HNRNPL: variants seen among roughly 807,000 people sequenced by gnomAD.
HNRNPL encodes epididymis secretory sperm binding protein.
In HNRNPL, 12 loss-of-function variants were observed where a neutral mutation model predicts 64.0. The ratio of observed to expected loss-of-function variants is 0.19; its 90% CI spans 0.12 to 0.30. The LOEUF is 0.30. HNRNPL is among the 10% of genes least tolerant of loss of function. HNRNPL has a pLI of 1.00. For missense variants in HNRNPL, 484 were observed against 797.4 expected (o/e 0.61, Z 4.73); for synonymous variants, 385 against 313.0 (o/e 1.23, Z -2.43).
intron 6 of HNRNPL, chr19:38,842,421 CTTTTT>C (rs543992276): frequency 6.6e-6 from 1 of 152,008 alleles, no homozygotes; most frequent in African/African-American, 2.4e-5. Flanking sequence ...GGATTTTGAC[CTTTTT>C]TTTAATGTTT....
intron 2 of HNRNPL, among the ~76,000 whole-genome samples, 187 bp from the exon 3 acceptor site, chr19:38,846,277 TC>T (rs1972292757): frequency 6.6e-6 from 1 of 152,116 alleles, no homozygotes; most frequent in Non-Finnish European, 1.5e-5. Context: ...AGCTGAGCCA[TC>T]ATGTCCCTCT....
chr19:38,837,922 CTG>C (rs1971983323), intron 10 of HNRNPL, among the ~76,000 whole-genome samples: 2 of 152,234 alleles, frequency 1.3e-5, no homozygotes, highest in East Asian at 1.9e-4. Context: ...TTGCTGAACA[CTG>C]TTTGCTGAAT....
intron 6 of HNRNPL, among the ~76,000 whole-genome samples, chr19:38,842,857 T>C (rs1972161489): frequency 6.6e-6 from 1 of 152,190 alleles, no homozygotes; most frequent in African/African-American, 2.4e-5. Flanking sequence ...TTATGTTCCT[T>C]GGAGAAGAAA....
chr19:38,846,104 C>T lies in HNRNPL; in HGVS notation c.387-14G>A. ...ACCACCACATAGCTGGCAGAGAGAA[C>T]ACAGGTTTCAATCCTCTCAGGAAAA... is the stretch of plus-strand genomic sequence containing the variant. On this transcript the variant is annotated splice_polypyrimidine_tract_variant and intron_variant, in intron 2 of 12. Transcript: ENST00000221419. The T allele has an allele frequency of 6.3e-7, 1 of 1,579,880 alleles. No homozygotes were observed. Among genetic ancestry groups the T allele is most frequent in the Non-Finnish European group, 8.7e-7 (1 of 1,149,120 alleles).
intron 1 of HNRNPL, 50 bp from the exon 2 acceptor site, chr19:38,847,484 C>A (rs760533376): frequency 1.7e-6 from 2 of 1,166,540 alleles, no homozygotes; most frequent in Non-Finnish European, 2.4e-6. Context: ...TACAAGATGA[C>A]GCCCCACTGG....
chr19:38,839,153 G>A, intron 8 of HNRNPL, 138 bp from the exon 9 acceptor site: 1 of 1,085,536 alleles, frequency 9.2e-7, no homozygotes, highest in South Asian at 1.5e-5. Context: ...AGAAAAACAT[G>A]CCTGGCCCAC....
At chr19:38,849,585 G>A (rs1972430979) in intron 1 of HNRNPL, 115 bp downstream of exon 1, 2 of 1,243,336 alleles carry the variant, frequency 1.6e-6, no homozygotes, top group African/African-American at 1.6e-5. Context: ...CACCGTCAAC[G>A]ACGCGATGGC....
rs1189895507 is a variant in HNRNPL, at chr19:38,849,831, GGCCACC to G, written c.130_135del (p.Gly44_Gly45del). 14 of 1,236,206 alleles carry G rather than the reference GGCCACC, an allele frequency of 1.1e-5. No homozygotes were observed. Among genetic ancestry groups the G allele is most frequent in the African/African-American group, 1.6e-5 (1 of 63,636 alleles). 76.6% of individuals were successfully genotyped at this position (1,236,206 alleles called of 1,614,324 possible). On this transcript the variant is annotated inframe_deletion, in exon 1 of 13. Transcript: ENST00000221419. ...CCCTCACTGCCGCCGCCGTAGTAGC[GGCCACC>G]GCCGCCTCCGCCGCCCGCCGCCGCC...
intron 1 of HNRNPL, chr19:38,849,448 A>G: frequency 2.6e-6 from 1 of 380,814 alleles, no homozygotes; most frequent in Admixed American, 4.8e-5. Context: ...GCGCCTGCGC[A>G]CTGGGCCATT....
In HNRNPL at chr19:38,840,540, G is replaced by A; in HGVS notation, c.900C>T (p.Pro300=). 2 of 1,590,578 alleles carry A rather than the reference G, an allele frequency of 1.3e-6. No individual in the cohort carries two copies. The highest frequency in any genetic ancestry group is 1.7e-6 in the Non-Finnish European group (2 of 1,169,366). Residue 300 remains proline (P), a synonymous_variant, in exon 7 of 13, where the codon CCC becomes CCT. Coordinates refer to ENST00000221419, the MANE Select transcript of HNRNPL (RefSeq NM_001533.3). ...GAGGGGGCTGCCTCTGGCGTTTGTT[G>A]GGGTTGCTGCCAGGGTCACCTGTGG... ...LSGQGDPGSN[P]NKRQRQPPLL... is the part of the protein sequence containing the mutation.
In HNRNPL at chr19:38,840,361, C is replaced by G. The variant is rs1268693615; in HGVS notation, c.968G>C (p.Gly323Ala). The change falls in exon 8 of 13, where the codon GGG (glycine) becomes GCG (alanine). Residue 323 changes from glycine (G) to alanine (A), a missense_variant. Physicochemically the swap from Gly to Ala is moderately conservative, Grantham distance 60. Around this residue, in one of 9 missense-constraint regions of HNRNPL, gnomAD observed 46 missense variants for 37.4 expected, o/e 1.23. Transcript: ENST00000221419. ...HPAEYGGPHG[G>A]YHSHYHDEGY... ...CTCATCATGGTAATGGCTGTGGTAC[C>G]CACCGTGGGGCCCTCCTGGGGGGTG... is the stretch of plus-strand genomic sequence containing the variant. The G allele has an allele frequency of 1.3e-6, 2 of 1,552,076 alleles. No individual in the cohort carries two copies. Among genetic ancestry groups the G allele is most frequent in the Non-Finnish European group, 1.7e-6 (2 of 1,149,780 alleles).
upstream of HNRNPL, among the ~76,000 whole-genome samples, chr19:38,852,052 T>G (rs906032799): frequency 3.7e-5 from 4 of 107,980 alleles, no homozygotes; most frequent in East Asian, 2.7e-4. Context: ...GCCCCTCCCC[T>G]CCCCGCCCCC....
In HNRNPL at chr19:38,839,997, C is replaced by T. The variant is rs533502002; in HGVS notation, c.1233+99G>A. 59 of 1,180,400 alleles carry T rather than the reference C, an allele frequency of 5.0e-5. No homozygotes were observed. The African/African-American group carries it at 5.7e-4, about 11-fold the overall frequency. 73.1% of individuals were successfully genotyped at this position (1,180,400 alleles called of 1,614,324 possible). ...ACTGAGTCACTCATTGGCGTCTGCC[C>T]GCCCAGCGCCACACCAGGCTCCCCC... On this transcript the variant is annotated intron_variant, in intron 8 of 12. Transcript: ENST00000221419.
At chr19:38,837,774 T>G in intron 10 of HNRNPL, 123 bp from the exon 11 acceptor site, 1 of 769,572 alleles carries the variant, frequency 1.3e-6, no homozygotes. Context: ...CTTGTAGATT[T>G]TATCACATAC....
At chr19:38,841,168 G>A (rs1302881866) in intron 6 of HNRNPL, 5 of 238,344 alleles carry the variant, frequency 2.1e-5, no homozygotes, top group East Asian at 1.2e-4. Context: ...ACAAGGCATC[G>A]ACATTCCCAC....
chr19:38,839,496 C>G (rs59941177), intron 8 of HNRNPL: 12,709 of 176,530 alleles, frequency 0.072, 1,341 homozygotes, highest in African/African-American at 0.24. Flanking sequence ...TCCACTTCCC[C>G]TGTCCATCTC....
intron 4 of HNRNPL, chr19:38,845,060 C>A (rs1055287023): frequency 6.6e-6 from 1 of 152,038 alleles, no homozygotes; most frequent in African/African-American, 2.4e-5. Context: ...TTTCTCAGGA[C>A]CTCTTGAGAC....
chr19:38,849,172 AC>A (rs2145439196), intron 1 of HNRNPL: 1 of 154,496 alleles, frequency 6.5e-6, no homozygotes, highest in South Asian at 2.0e-4. Context: ...TTCAATGCCT[AC>A]AAAAATGAGA....
intron 4 of HNRNPL, among the ~76,000 whole-genome samples, chr19:38,844,443 GC>G (rs1972218960): frequency 6.6e-6 from 1 of 152,060 alleles, no homozygotes; most frequent in Non-Finnish European, 1.5e-5. Context: ...TTACAGCTCT[GC>G]CCTGAAAGTC....
Sources: gnomAD v4.1 joint callset for allele counts (sites outside exome capture counted in the v4.1 genomes callset) on GRCh38, gnomAD v4.1.1 for gene constraint, gnomAD v4.1.1 regional missense constraint, MANE v1.5 for transcripts, NCBI Gene and HGNC (gene_info 2026-07-23, HGNC 2026-07-21) for gene names.